XPR1: variants seen among roughly 807,000 people sequenced by gnomAD.
The protein encoded by XPR1 is solute carrier family 53 member 1.
In XPR1, 28 loss-of-function variants were observed where a neutral mutation model predicts 87.5. The ratio of observed to expected loss-of-function variants is 0.32; its 90% CI spans 0.24 to 0.44. The LOEUF (loss-of-function observed/expected upper bound fraction) is 0.44. Among genes scored for constraint, XPR1 ranks in the 20% least tolerant of loss-of-function variants. XPR1 has a pLI of 1.00. For synonymous variants in XPR1, 300 were observed against 306.1 expected, an observed-to-expected ratio of 0.98 and a Z score of 0.21; for missense variants, 559 against 862.3, an observed-to-expected ratio of 0.65 and a Z score of 4.41.
chr1:180,805,456 C>G (rs543246171), intron 4 of XPR1, among the ~76,000 whole-genome samples: 1 of 152,008 alleles, frequency 6.6e-6, no homozygotes, highest in South Asian at 2.1e-4. Context: ...TAAACTGAAC[C>G]CTGTAAGTAT....
At chr1:180,722,637 T>G (rs1658213287) in intron 2 of XPR1, among the ~76,000 whole-genome samples, 1 of 152,218 alleles carries the variant, frequency 6.6e-6, no homozygotes, top group South Asian at 2.1e-4. Context: ...TAACCTTGAT[T>G]TGACTGTCCT....
At chr1:180,860,339 A>G (rs1337094012) in intron 11 of XPR1, among the ~76,000 whole-genome samples, 1 of 152,138 alleles carries the variant, frequency 6.6e-6, no homozygotes, top group Non-Finnish European at 1.5e-5. Flanking sequence ...TTACCATACA[A>G]CCCAACAGTC....
chr1:180,696,039 C>T lies in XPR1; in HGVS notation c.121+13628C>T, dbSNP rs1571734778. Among the ~76,000 whole-genome samples, 9 of 151,388 alleles carry T rather than the reference C, an allele frequency of 5.9e-5. No homozygotes were observed. In the South Asian group the frequency reaches 1.3e-3, roughly 21 times the overall value. On this transcript the variant is annotated intron_variant, in intron 2 of 14. Transcript: ENST00000367590. ...TTTGGGTAGTGTGGTCATTTTAATG[C>T]TATTAATTCTTCTGACCCATGAGCA...
chr1:180,735,083 C>T (rs1317444895), intron 2 of XPR1, among the ~76,000 whole-genome samples: 1 of 152,160 alleles, frequency 6.6e-6, no homozygotes, highest in East Asian at 1.9e-4. Flanking sequence ...TTTATTGTGG[C>T]TCTTTTCAAT....
intron 11 of XPR1, among the ~76,000 whole-genome samples, chr1:180,842,659 G>A (rs1169321701): frequency 6.6e-6 from 1 of 152,138 alleles, no homozygotes; most frequent in African/African-American, 2.4e-5. Context: ...TGGTTTTTGT[G>A]TGTCCTTGAG....
intron 11 of XPR1, among the ~76,000 whole-genome samples, chr1:180,861,258 T>A (rs894247410): frequency 1.3e-5 from 2 of 151,610 alleles, no homozygotes; most frequent in Non-Finnish European, 2.9e-5. Flanking sequence ...TTTTTTTAAG[T>A]GTTGTAAATA....
rs140485772 is a variant in XPR1, at chr1:180,693,094, G to A, written c.121+10683G>A. 6.6e-4 allele frequency among the ~76,000 whole-genome samples: 100 copies of A among 152,280 alleles called. 1 individual carries two copies. The highest frequency in any genetic ancestry group is 9.8e-4 in the Admixed American group (15 of 15,286). Reference sequence around the variant, plus strand: ...AAATCATGGAACAAAAAAGTTCTGGGAATTACAAATGTAGACTCTACGTTG... The same window carrying A: ...AAATCATGGAACAAAAAAGTTCTGGAAATTACAAATGTAGACTCTACGTTG... On this transcript the variant is annotated intron_variant, in intron 2 of 14. Transcript: ENST00000367590.
rs181053326 is a variant in XPR1 at position 180,780,028 on chromosome 1, T to C, written c.122-7725T>C. Among the ~76,000 whole-genome samples the C allele has an allele frequency of 2.0e-4, 31 of 152,362 alleles. No homozygotes were observed. In the Middle Eastern group the frequency reaches 0.01, roughly 50 times the overall value. On this transcript the variant is annotated intron_variant, in intron 2 of 14. Coordinates refer to ENST00000367590, the MANE Select transcript of XPR1 (RefSeq NM_004736.4). The stretch of plus-strand genomic sequence containing the variant: ...ATTATTCTTTTCTGTGGCTGAATTA[T>C]ATTCAATTGTATGGATATGCTACAT...
chr1:180,756,752 A>G (rs1251188499), intron 2 of XPR1, among the ~76,000 whole-genome samples: 2 of 152,192 alleles, frequency 1.3e-5, no homozygotes, highest in South Asian at 4.1e-4. Context: ...CAATGTAATG[A>G]TAGCATTGTG....
intron 2 of XPR1, among the ~76,000 whole-genome samples, chr1:180,734,431 A>G (rs1157791745): frequency 6.6e-6 from 1 of 152,212 alleles, no homozygotes; most frequent in Non-Finnish European, 1.5e-5. Context: ...AACAGCAAAC[A>G]GGCAGTGGGT....
intron 2 of XPR1, among the ~76,000 whole-genome samples, chr1:180,770,916 C>G (rs908953645): frequency 3.9e-5 from 6 of 152,162 alleles, no homozygotes; most frequent in South Asian, 2.1e-4. Flanking sequence ...TCCCTCAGCT[C>G]CTTCTTTATA....
intron 2 of XPR1, among the ~76,000 whole-genome samples, chr1:180,778,364 T>A (rs886956676): frequency 8.5e-5 from 13 of 152,204 alleles, no homozygotes; most frequent in African/African-American, 3.1e-4. Context: ...CCAAGGACTA[T>A]ATTCTTATAA....
At chr1:180,649,332 T>A (rs896890104) in intron 1 of XPR1, among the ~76,000 whole-genome samples, 1 of 151,816 alleles carries the variant, frequency 6.6e-6, no homozygotes, top group Non-Finnish European at 1.5e-5. Context: ...CTCGGGAGGC[T>A]GAGGCACGAG....
At chr1:180,883,945 G>A (rs974485120) in intron 14 of XPR1, 61 bp from the exon 15 acceptor site, 9 of 1,468,492 alleles carry the variant, frequency 6.1e-6, no homozygotes, top group Middle Eastern at 3.5e-4. Context: ...GTCTAATACT[G>A]TGAAAGTGTT....
intron 2 of XPR1, among the ~76,000 whole-genome samples, chr1:180,771,215 C>T (rs73036537): frequency 0.049 from 7,419 of 151,924 alleles, 516 homozygotes; most frequent in African/African-American, 0.15. Flanking sequence ...ATTACCCTAT[C>T]GTATGAATTA....
At chr1:180,769,576 A>G (rs1648426853) in intron 2 of XPR1, among the ~76,000 whole-genome samples, 1 of 151,928 alleles carries the variant, frequency 6.6e-6, no homozygotes, top group South Asian at 2.1e-4. Flanking sequence ...TAACATAATG[A>G]TCTCCAGTTC....
chr1:180,796,960 G>A (rs770753097), intron 3 of XPR1, among the ~76,000 whole-genome samples: 4 of 152,100 alleles, frequency 2.6e-5, no homozygotes, highest in Admixed American at 6.6e-5. Flanking sequence ...TTCAGAAAAG[G>A]CAAATCAGCA....
intron 2 of XPR1, among the ~76,000 whole-genome samples, chr1:180,729,791 G>C (rs1459998373): frequency 2.6e-5 from 4 of 152,070 alleles, no homozygotes; most frequent in Non-Finnish European, 4.4e-5. Context: ...ATAGATTCTG[G>C]ATATTAGACT....
At chr1:180,744,130 A>G (rs1453434213) in intron 2 of XPR1, among the ~76,000 whole-genome samples, 2 of 152,114 alleles carry the variant, frequency 1.3e-5, no homozygotes, top group Admixed American at 6.5e-5. Flanking sequence ...GCAGTCCCTC[A>G]AGTCACTGAG....
Sources: gnomAD v4.1 joint callset for allele counts (sites outside exome capture counted in the v4.1 genomes callset) on GRCh38, gnomAD v4.1.1 for gene constraint, MANE v1.5 for transcripts, NCBI Gene and HGNC (gene_info 2026-07-23, HGNC 2026-07-21) for gene names.